The following LRRC37A2 variants were observed in gnomAD, a reference collection of about 807,000 sequenced individuals.
The protein encoded by LRRC37A2 is leucine-rich repeat-containing protein 37A2.
In LRRC37A2, 9 loss-of-function variants were observed where a neutral mutation model predicts 68.8. That is an observed-to-expected ratio of 0.13 (90% confidence interval 0.08 to 0.23). The LOEUF (loss-of-function observed/expected upper bound fraction) is 0.23, where lower values mean the gene tolerates loss of function less well. Among genes scored for constraint, LRRC37A2 ranks in the 10% least tolerant of loss-of-function variants. The pLI is 1.00. For synonymous variants in LRRC37A2, 63 were observed against 367.6 expected (o/e 0.17, Z 9.48); for missense variants, 168 against 950.4 (o/e 0.18, Z 10.82).
the LRRC37A2 span, among the ~76,000 whole-genome samples, chr17:46,954,831 G>T: frequency 6.6e-6 from 1 of 152,196 alleles, no homozygotes; most frequent in African/African-American, 2.4e-5. Flanking sequence ...TCTGTTATTG[G>T]TGTATAAGAA....
chr17:46,890,677 G>A, the LRRC37A2 span, among the ~76,000 whole-genome samples: 1 of 152,200 alleles, frequency 6.6e-6, no homozygotes, highest in African/African-American at 2.4e-5. Flanking sequence ...CTTTGTGATG[G>A]CGTTGTCCAT....
At chr17:46,875,247 G>C in the LRRC37A2 span, 1 of 1,614,202 alleles carries the variant, frequency 6.2e-7, no homozygotes, top group South Asian at 1.1e-5. Context: ...GCAGTGGGGC[G>C]TGTGCGGTGA....
At chr17:46,836,095 C>CGTGTGTGTGTGTGTGTGTGT in the LRRC37A2 span, among the ~76,000 whole-genome samples, 2,230 of 126,428 alleles carry the variant, frequency 0.018, 79 homozygotes, top group East Asian at 0.041. Flanking sequence ...GAGACGCTGA[C>CGTGTGTGTGTGTGTGTGTGT]GTGTGTGTGT....
the LRRC37A2 span, among the ~76,000 whole-genome samples, chr17:46,782,037 T>G: frequency 1.3e-5 from 2 of 152,116 alleles, no homozygotes; most frequent in African/African-American, 4.8e-5. Context: ...TGGCTTCACA[T>G]GGGTGGAGCT....
the LRRC37A2 span, among the ~76,000 whole-genome samples, chr17:47,003,412 G>C: frequency 1.3e-5 from 2 of 152,232 alleles, no homozygotes; most frequent in African/African-American, 4.8e-5. Context: ...CCACTGTCCT[G>C]GACATCACAC....
the LRRC37A2 span, among the ~76,000 whole-genome samples, chr17:46,953,399 A>G: frequency 1.3e-5 from 2 of 152,210 alleles, no homozygotes; most frequent in Non-Finnish European, 2.9e-5. Flanking sequence ...ATGGCTGCAT[A>G]GTATTCCGTG....
chr17:47,024,734 G>T, the LRRC37A2 span: 1 of 854,384 alleles, frequency 1.2e-6, no homozygotes, highest in African/African-American at 1.6e-5. Context: ...TTGAAGGCCT[G>T]CTATCCCTCC....
At chr17:46,796,672 C>T in the LRRC37A2 span, among the ~76,000 whole-genome samples, 9 of 152,188 alleles carry the variant, frequency 5.9e-5, no homozygotes, top group African/African-American at 2.2e-4. Flanking sequence ...GGACCTAAGA[C>T]GGGAGAATGA....
At chr17:46,966,504 C>T in the LRRC37A2 span, 5 of 684,640 alleles carry the variant, frequency 7.3e-6, no homozygotes, top group South Asian at 7.8e-5. Flanking sequence ...CACCCCACCA[C>T]ACCCGATTAA....
the LRRC37A2 span, among the ~76,000 whole-genome samples, chr17:46,913,006 G>T: frequency 1.3e-5 from 2 of 152,208 alleles, no homozygotes; most frequent in Non-Finnish European, 2.9e-5. Context: ...AACTGGCATG[G>T]TGATGCCTGT....
chr17:46,931,937 A>T, the LRRC37A2 span: 1 of 789,734 alleles, frequency 1.3e-6, no homozygotes, highest in Non-Finnish European at 2.2e-6. Flanking sequence ...TCTTGTGGTG[A>T]GGGGGTATAG....
At chr17:46,976,568 A>G in the LRRC37A2 span, among the ~76,000 whole-genome samples, 5 of 152,042 alleles carry the variant, frequency 3.3e-5, no homozygotes, top group Admixed American at 1.3e-4. Context: ...CAAAAAACCA[A>G]AAAAACAAAT....
exon 10 of LRRC37A2, chr17:46,549,105 A>G: frequency 1.2e-6 from 2 of 1,611,874 alleles, no homozygotes; most frequent in South Asian, 1.1e-5. Context: ...CCAAAGTCAA[A>G]AAGAGTCCAA....
the LRRC37A2 span, among the ~76,000 whole-genome samples, chr17:47,029,758 C>T: frequency 6.6e-6 from 1 of 152,244 alleles, no homozygotes; most frequent in Non-Finnish European, 1.5e-5. Context: ...GCACTTTATA[C>T]AACTGGGAGT....
chr17:46,883,967 G>A, the LRRC37A2 span, among the ~76,000 whole-genome samples: 3 of 152,258 alleles, frequency 2.0e-5, no homozygotes, highest in Non-Finnish European at 2.9e-5. Flanking sequence ...CGCTGGAGCC[G>A]TCTCAGGGGA....
chr17:46,539,768 C>CAAAAAAAAAAAAAAACAAAAAAAAAAAAA (rs2054949653), intron 6 of LRRC37A2, among the ~76,000 whole-genome samples: 1 of 67,036 alleles, frequency 1.5e-5, no homozygotes, highest in African/African-American at 7.4e-5. Context: ...GACTCCATCT[C>CAAAAAAAAAAAAAAACAAAAAAAAAAAAA]AAAAAAAAAA....
the LRRC37A2 span, among the ~76,000 whole-genome samples, chr17:46,800,846 C>A: frequency 1.3e-5 from 2 of 152,076 alleles, no homozygotes; most frequent in African/African-American, 2.4e-5. Flanking sequence ...GCTGGGGCCG[C>A]GGTGCTGAGG....
chr17:46,384,245 C>T, the LRRC37A2 span, among the ~76,000 whole-genome samples: 2 of 15,204 alleles, frequency 1.3e-4, 1 homozygote, highest in African/African-American at 1.6e-4. Flanking sequence ...GGCTCTTTTC[C>T]GTACGAATTC....
the LRRC37A2 span, chr17:46,751,713 T>A: frequency 1.5e-6 from 1 of 653,132 alleles, no homozygotes; most frequent in Non-Finnish European, 2.5e-6. Flanking sequence ...TTAATTAATT[T>A]AAGTTTTGAT....
Sources: allele counts gnomAD v4.1 joint callset (sites outside exome capture counted in the v4.1 genomes callset), GRCh38; gene constraint gnomAD v4.1.1; transcripts MANE v1.5; gene names NCBI Gene and HGNC (gene_info 2026-07-23, HGNC 2026-07-21).